Variants in FAM241A observed in about 807,000 individuals in gnomAD.
FAM241A encodes the protein uncharacterized protein FAM241A.
In FAM241A, 7 loss-of-function variants were observed where a neutral mutation model predicts 12.2. That is an observed-to-expected ratio of 0.58 (90% CI 0.33 to 1.08). The LOEUF is 1.08. FAM241A is among the 50% of genes least tolerant of loss of function. FAM241A has a pLI of 0.04. For missense variants in FAM241A, 161 were observed against 169.7 expected, an observed-to-expected ratio of 0.95 and a Z score of 0.29; for synonymous variants, 74 against 68.2, an observed-to-expected ratio of 1.08 and a Z score of -0.42.
chr4:112,161,929 A>C (rs934188285), intron 1 of FAM241A, among the ~76,000 whole-genome samples: 2 of 152,208 alleles, frequency 1.3e-5, no homozygotes, highest in African/African-American at 2.4e-5. Flanking sequence ...TGGCAAACTG[A>C]ATCCAGCAGC....
At chr4:112,186,570 A>G in intron 1 of FAM241A, 123 bp from the exon 2 acceptor site, 1 of 829,712 alleles carries the variant, frequency 1.2e-6, no homozygotes, top group Non-Finnish European at 1.9e-6. Context: ...GTTAACAGGT[A>G]CTTGTAGAAT....
intron 1 of FAM241A, among the ~76,000 whole-genome samples, chr4:112,176,803 CTCTG>C (rs35356681): frequency 0.33 from 50,757 of 151,692 alleles, 8,538 homozygotes; most frequent in East Asian, 0.53. Context: ...AGTCAGTACT[CTCTG>C]TATAACCACA....
At chr4:112,186,165 G>A (rs1461128287) in intron 1 of FAM241A, among the ~76,000 whole-genome samples, 1 of 152,042 alleles carries the variant, frequency 6.6e-6, no homozygotes, top group African/African-American at 2.4e-5. Context: ...AAAAAAATTT[G>A]TATTAAAACT....
chr4:112,183,938 G>T (rs1426040666), intron 1 of FAM241A, among the ~76,000 whole-genome samples: 1 of 151,794 alleles, frequency 6.6e-6, no homozygotes, highest in Non-Finnish European at 1.5e-5. Flanking sequence ...ACATAAAATT[G>T]ACCCAGTCAT....
chr4:112,165,185 A>G (rs1473701796), intron 1 of FAM241A, among the ~76,000 whole-genome samples: 2 of 152,252 alleles, frequency 1.3e-5, no homozygotes, highest in East Asian at 3.8e-4. Flanking sequence ...GAGAAATGCA[A>G]ATCAAAACTA....
intron 1 of FAM241A, among the ~76,000 whole-genome samples, chr4:112,180,944 C>A (rs1447194912): frequency 6.6e-6 from 1 of 152,096 alleles, no homozygotes; most frequent in African/African-American, 2.4e-5. Context: ...AGTACAAGTT[C>A]TCTTTACTTG....
At position 112,184,526 on chromosome 4, in the gene FAM241A, CA is replaced by C. The variant is rs202092078; in HGVS notation, c.154-2156del. On this transcript the variant is annotated intron_variant, in intron 1 of 1. Coordinates refer to ENST00000309733, the MANE Select transcript of FAM241A (RefSeq NM_152400.3). ...CTGGGCAACAAGAAAGAAACTGTCT[CA>C]AAAAAAAAAATTATATAAAAGTATA... 4.8e-3 allele frequency among the ~76,000 whole-genome samples: 706 copies of C among 146,778 alleles called. 8 individuals carry two copies. Among genetic ancestry groups the C allele is most frequent in the African/African-American group, 0.015 (619 of 40,202 alleles).
rs544274484 is a variant in FAM241A, at chr4:112,150,831, A to G, written c.153+5098A>G. Among the ~76,000 whole-genome samples the G allele has an allele frequency of 4.6e-5, 7 of 152,324 alleles. No individual in the cohort carries two copies. The South Asian group carries it at 1.4e-3, about 32-fold the overall frequency. On this transcript the variant is annotated intron_variant, in intron 1 of 1. Coordinates refer to ENST00000309733, the MANE Select transcript of FAM241A (RefSeq NM_152400.3). ...GGAATAATTGTAACAACTTCATAGG[A>G]TTATTGGAAGGATTATATGAATTAA...
chr4:112,184,149 A>G (rs1394417240), intron 1 of FAM241A, among the ~76,000 whole-genome samples: 1 of 152,218 alleles, frequency 6.6e-6, no homozygotes, highest in Non-Finnish European at 1.5e-5. Context: ...TGCAGCCTGG[A>G]TGTGAACTCC....
Position 112,192,886 on chromosome 4 carries a change from G to A in FAM241A, c.*5948G>A, listed in dbSNP as rs1365796199. On this transcript the variant is annotated 3_prime_UTR_variant, in exon 2 of 2. Coordinates refer to ENST00000309733, the MANE Select transcript of FAM241A (RefSeq NM_152400.3). ...CAGTAATGGGATGGCTGGGTCAAAT[G>A]GTATTTCTAGTTCTAGATTCCTGAG... The A allele has an allele frequency of 6.6e-6, 1 of 151,482 alleles. No homozygotes were observed. The highest frequency in any genetic ancestry group is 2.4e-5 in the African/African-American group (1 of 41,092). 9.4% of individuals were successfully genotyped at this position (151,482 alleles called of 1,614,324 possible).
chr4:112,177,606 G>A (rs1006977524), intron 1 of FAM241A, among the ~76,000 whole-genome samples: 2 of 152,072 alleles, frequency 1.3e-5, no homozygotes, highest in African/African-American at 4.8e-5. Context: ...GATAATGCAT[G>A]TAAAACACAA....
chr4:112,175,627 G>A lies in FAM241A; in HGVS notation c.154-11066G>A, dbSNP rs190853842. ...TACTAAAAATACGAAAATTAGCTAG[G>A]TGTGGTGGCAGGTGCCTGTAATCCT... On this transcript the variant is annotated intron_variant, in intron 1 of 1. Coordinates refer to ENST00000309733, the MANE Select transcript of FAM241A (RefSeq NM_152400.3). Among the ~76,000 whole-genome samples the A allele has an allele frequency of 5.9e-5, 9 of 152,128 alleles. No individual in the cohort carries two copies. In the East Asian group the frequency reaches 1.5e-3, roughly 26 times the overall value.
intron 1 of FAM241A, among the ~76,000 whole-genome samples, chr4:112,166,036 T>C (rs893083696): frequency 6.6e-6 from 1 of 151,108 alleles, no homozygotes; most frequent in Admixed American, 6.6e-5. Context: ...ACACCTACTA[T>C]GTACTCAGAA....
intron 1 of FAM241A, among the ~76,000 whole-genome samples, chr4:112,173,927 G>A (rs1235044948): frequency 1.3e-5 from 2 of 152,182 alleles, no homozygotes; most frequent in Non-Finnish European, 2.9e-5. Flanking sequence ...AAATTATGGA[G>A]CAAAACAAAA....
chr4:112,162,134 AAATT>A (rs1432279936), intron 1 of FAM241A, among the ~76,000 whole-genome samples: 1 of 152,222 alleles, frequency 6.6e-6, no homozygotes, highest in Admixed American at 6.5e-5. Context: ...AACTCTTAAT[AAATT>A]AGGTATTGAT....
rs919596716 is a variant in FAM241A at position 112,189,607 on chromosome 4, TG to T, written c.*2670del. 2 of 152,180 alleles carry T rather than the reference TG, an allele frequency of 1.3e-5. No individual in the cohort carries two copies. Among genetic ancestry groups the T allele is most frequent in the Non-Finnish European group, 2.9e-5 (2 of 68,042 alleles). 9.4% of individuals were successfully genotyped at this position (152,180 alleles called of 1,614,324 possible). On this transcript the variant is annotated 3_prime_UTR_variant, in exon 2 of 2. Transcript: ENST00000309733. Reference sequence around the variant, plus strand: ...TCCATTTTTCTTAAAGTAAAAACTCTGTATTTTGTAGAATTCTGTCCTCTCA... The same window carrying T: ...TCCATTTTTCTTAAAGTAAAAACTCTTATTTTGTAGAATTCTGTCCTCTCA...
At chr4:112,182,013 A>AGT (rs1191799874) in intron 1 of FAM241A, among the ~76,000 whole-genome samples, 1 of 152,234 alleles carries the variant, frequency 6.6e-6, no homozygotes, top group Non-Finnish European at 1.5e-5. Flanking sequence ...AAGAGATCTT[A>AGT]GTAGACTCTT....
chr4:112,161,432 A>C (rs1723466448), intron 1 of FAM241A, among the ~76,000 whole-genome samples: 1 of 152,194 alleles, frequency 6.6e-6, no homozygotes, highest in Non-Finnish European at 1.5e-5. Flanking sequence ...ATAAAGAAGG[A>C]AAAAGAGAAG....
chr4:112,157,110 C>T (rs78121093), intron 1 of FAM241A, among the ~76,000 whole-genome samples: 4,499 of 152,080 alleles, frequency 0.03, 181 homozygotes, highest in East Asian at 0.16. Flanking sequence ...AAAAGAAACA[C>T]GTGTTAAAGA....
Sources: gnomAD v4.1 joint callset for allele counts (sites outside exome capture counted in the v4.1 genomes callset) on GRCh38, gnomAD v4.1.1 for gene constraint, MANE v1.5 for transcripts, NCBI Gene and HGNC (gene_info 2026-07-23, HGNC 2026-07-21) for gene names.